The following MAGEC3 variants were observed in gnomAD, a reference collection of about 807,000 sequenced individuals.
MAGEC3 encodes the protein MAGE family member C3.
In MAGEC3, 34 loss-of-function variants were observed where a neutral mutation model predicts 35.3. The observed-to-expected ratio is 0.96, with a 90% CI of 0.73 to 1.28. MAGEC3 has a LOEUF of 1.28. Among genes scored for constraint, MAGEC3 ranks in the 50% most tolerant of loss-of-function variants. MAGEC3 has a pLI of 0.00. For missense variants in MAGEC3, 561 were observed against 483.6 expected (o/e 1.16, Z -1.50); for synonymous variants, 202 against 185.6 (o/e 1.09, Z -0.72).
chrX:141,879,611 A>G (rs1295271953), intron 3 of MAGEC3, among the ~76,000 whole-genome samples, 180 bp downstream of exon 3: 3 of 109,439 alleles, frequency 2.7e-5, no homozygotes, highest in Admixed American at 1.9e-4. Context: ...AAAGTGTGGG[A>G]AAGAGGTAGA....
chrX:141,866,068 C>T (rs1379468481), intron 2 of MAGEC3, among the ~76,000 whole-genome samples: 1 of 111,316 alleles, frequency 9.0e-6, no homozygotes, highest in Non-Finnish European at 1.9e-5. Flanking sequence ...ATATGATTAC[C>T]TTGAGAAATT....
In MAGEC3 at chrX:141,881,518, C is replaced by G. The variant is rs1288389226; in HGVS notation, c.631C>G (p.Gln211Glu). 1.7e-6 allele frequency: 2 copies of G among 1,211,559 alleles called. No homozygotes were observed. Among genetic ancestry groups the G allele is most frequent in the Admixed American group, 2.2e-5 (1 of 46,051 alleles). The change falls in exon 4 of 8, where the codon CAG becomes GAG. Residue 211 changes from glutamine to glutamate, a missense_variant. By Grantham distance (29) the Gln-to-Glu change is conservative. Coordinates refer to ENST00000298296, the MANE Select transcript of MAGEC3 (RefSeq NM_138702.1). ...AGAGCCTCTCACAAGAGCAGAGATG[C>G]AGATGAATGTCATCAACACATACAC... Reference protein sequence around the residue: ...AKEPLTRAEMQMNVINTYTGY... With the variant: ...AKEPLTRAEMEMNVINTYTGY...
chrX:141,877,653 G>T (rs2017928383), intron 2 of MAGEC3, among the ~76,000 whole-genome samples: 2 of 111,675 alleles, frequency 1.8e-5, no homozygotes, highest in African/African-American at 6.5e-5. Flanking sequence ...AGAAGTACTT[G>T]TAGCAGAAAC....
At chrX:141,879,097 G>T in intron 2 of MAGEC3, 78 bp from the exon 3 acceptor site, 1 of 1,093,001 alleles carries the variant, frequency 9.1e-7, no homozygotes, top group South Asian at 2.4e-5. Context: ...AGGAGTCCAG[G>T]CACAGCCTCT....
At position 141,850,334 on chromosome X, in the gene MAGEC3, C is replaced by T. The variant is rs1441616771; in HGVS notation, c.123+11896C>T. 8.2e-5 allele frequency among the ~76,000 whole-genome samples: 9 copies of T among 110,408 alleles called. No homozygotes were observed. The East Asian group carries it at 1.7e-3, about 21-fold the overall frequency. ...AACCTCAGCACTGTGCAATATACCACGTAATAAGTCTGCACCTGTACCCCT... is the reference window on the plus strand; with the variant it reads ...AACCTCAGCACTGTGCAATATACCATGTAATAAGTCTGCACCTGTACCCCT... On this transcript the variant is annotated intron_variant, in intron 1 of 7. Coordinates refer to ENST00000298296, the MANE Select transcript of MAGEC3 (RefSeq NM_138702.1).
In MAGEC3 at chrX:141,847,049, T is replaced by G. The variant is rs146568060; in HGVS notation, c.123+8611T>G. Among the ~76,000 whole-genome samples the G allele has an allele frequency of 5.8e-4, 65 of 111,333 alleles. No homozygotes were observed. In the East Asian group the frequency reaches 0.017, roughly 29 times the overall value. ...ACACTAAATAGATGGTAATTTCACA[T>G]GAATGAGAATATCTGAATAAAATCC... On this transcript the variant is annotated intron_variant, in intron 1 of 7. Transcript: ENST00000298296.
At chrX:141,865,702 G>C in intron 2 of MAGEC3, 97 bp downstream of exon 2, 1 of 981,677 alleles carries the variant, frequency 1.0e-6, no homozygotes, top group Non-Finnish European at 1.4e-6. Flanking sequence ...GGTGGCCCAA[G>C]GCAGGTTTCC....
chrX:141,864,921 G>T (rs2017838653), intron 1 of MAGEC3, among the ~76,000 whole-genome samples: 1 of 112,043 alleles, frequency 8.9e-6, no homozygotes, highest in Non-Finnish European at 1.9e-5. Flanking sequence ...GGATTTTTCA[G>T]CAGTCCTCAA....
intron 2 of MAGEC3, among the ~76,000 whole-genome samples, chrX:141,868,389 GA>G (rs749037251): frequency 8.9e-6 from 1 of 111,744 alleles, no homozygotes; most frequent in South Asian, 3.7e-4. Context: ...AATAAAAATT[GA>G]AAAACATTAG....
intron 1 of MAGEC3, among the ~76,000 whole-genome samples, chrX:141,861,909 C>A (rs569479495): frequency 9.0e-6 from 1 of 111,620 alleles, no homozygotes; most frequent in Non-Finnish European, 1.9e-5. Flanking sequence ...AAAGCAAATG[C>A]AACAAACACA....
chrX:141,886,746 G>C (rs901696140), intron 4 of MAGEC3, among the ~76,000 whole-genome samples: 2 of 111,273 alleles, frequency 1.8e-5, no homozygotes, highest in African/African-American at 3.3e-5. Flanking sequence ...TTGGCTCCCT[G>C]ACTGGGAGGG....
intron 1 of MAGEC3, among the ~76,000 whole-genome samples, chrX:141,856,629 C>T (rs1007864449): frequency 3.0e-4 from 33 of 111,159 alleles, no homozygotes; most frequent in African/African-American, 8.2e-4. Context: ...GCATTATTCA[C>T]GATAGCCAAC....
chrX:141,866,583 C>T (rs190576172), intron 2 of MAGEC3, among the ~76,000 whole-genome samples: 1 of 112,373 alleles, frequency 8.9e-6, no homozygotes, highest in African/African-American at 3.2e-5. Context: ...TTGTAATTTC[C>T]TTCCTGGATA....
chrX:141,848,876 T>A (rs1294574954), intron 1 of MAGEC3, among the ~76,000 whole-genome samples: 1 of 111,593 alleles, frequency 9.0e-6, no homozygotes, highest in Admixed American at 9.5e-5. Context: ...TTTACTTTGA[T>A]GTAATTATCA....
intron 4 of MAGEC3, among the ~76,000 whole-genome samples, chrX:141,885,557 C>G (rs145498171): frequency 0.013 from 1,325 of 101,033 alleles, 25 homozygotes; most frequent in African/African-American, 0.046. Flanking sequence ...CCCAGCTACT[C>G]AAGAGGCTGA....
Position 141,879,546 on chromosome X carries a change from AG to A in MAGEC3, c.515+120del, listed in dbSNP as rs778566144. 22 of 844,308 alleles carry A rather than the reference AG, an allele frequency of 2.6e-5. No individual in the cohort carries two copies. The Admixed American group carries it at 7.0e-4, about 27-fold the overall frequency. 69.6% of individuals were successfully genotyped at this position (844,308 alleles called of 1,213,427 possible). ...CGGGGAGGTAGGCAGGAAGGGGTGG[AG>A]GGGGCCCAGGAGATGGGCAGGAAGG... On this transcript the variant is annotated intron_variant, in intron 3 of 7. Transcript: ENST00000298296.
chrX:141,889,341 C>T lies in MAGEC3; in HGVS notation c.910-5928C>T, dbSNP rs192463209. Among the ~76,000 whole-genome samples the T allele has an allele frequency of 4.5e-5, 5 of 111,843 alleles. No individual in the cohort carries two copies. In the Admixed American group the frequency reaches 4.7e-4, roughly 11 times the overall value. ...AAGGGGTGGAAACACCACTCACCAT[C>T]ACCCCTAGGGACCCACTAGCAACAC... On this transcript the variant is annotated intron_variant, in intron 4 of 7. Coordinates refer to ENST00000298296, the MANE Select transcript of MAGEC3 (RefSeq NM_138702.1).
At chrX:141,866,431 T>G (rs142579369) in intron 2 of MAGEC3, among the ~76,000 whole-genome samples, 2,347 of 112,112 alleles carry the variant, frequency 0.021, 15 homozygotes, top group Middle Eastern at 0.041. Context: ...CATTTAATTG[T>G]CAAAAAGTAG....
At chrX:141,846,058 A>G (rs2017714444) in intron 1 of MAGEC3, among the ~76,000 whole-genome samples, 1 of 110,645 alleles carries the variant, frequency 9.0e-6, no homozygotes, top group Admixed American at 9.6e-5. Flanking sequence ...TACGGAGAGG[A>G]CAGACAGCTC....
Sources: allele counts gnomAD v4.1 joint callset (sites outside exome capture counted in the v4.1 genomes callset), GRCh38; gene constraint gnomAD v4.1.1; transcripts MANE v1.5; gene names NCBI Gene and HGNC (gene_info 2026-07-23, HGNC 2026-07-21).